Variants in PPP1R1C observed in about 807,000 individuals in gnomAD.
PPP1R1C encodes the protein protein phosphatase 1 regulatory inhibitor subunit 1C.
A neutral mutation model predicts 17.4 loss-of-function variants in PPP1R1C; 15 were observed. The ratio of observed to expected loss-of-function variants is 0.86; its 90% CI spans 0.58 to 1.33. The LOEUF is 1.33. PPP1R1C is among the 40% of genes most tolerant of loss of function. The pLI, the probability that PPP1R1C is intolerant of heterozygous loss-of-function variation, is 0.00. For synonymous variants in PPP1R1C, 35 were observed against 43.1 expected (o/e 0.81, Z 0.73); for missense variants, 143 against 130.0 (o/e 1.10, Z -0.48).
In PPP1R1C at chr2:181,961,552, AG is replaced by A; in HGVS notation, n.111+6920del. The A allele has an allele frequency of 1.2e-6, 1 of 812,128 alleles. No homozygotes were observed. The highest frequency in any genetic ancestry group is 2.1e-6 in the Non-Finnish European group (1 of 480,336). The allele number at this position is 812,128 out of a possible 1,614,324, so 50.3% of individuals were successfully genotyped here. On this transcript the variant is annotated intron_variant and non_coding_transcript_variant, in intron 1 of 5. Coordinates refer to the PPP1R1C transcript ENST00000464264. This position sits in a 1 kb window ranked among gnomAD's most constrained non-coding sequence, Gnocchi z 5.8. ...GGCCTTCAGATTTCTCATGGAGTCC[AG>A]GTCCATCTTTAAGGACTGGACTGTA... is the stretch of plus-strand genomic sequence containing the variant.
intron 2 of PPP1R1C, among the ~76,000 whole-genome samples, chr2:182,030,341 G>GT (rs1424855863): frequency 6.6e-6 from 1 of 152,086 alleles, no homozygotes; most frequent in Non-Finnish European, 1.5e-5. Flanking sequence ...CATCTTTGTG[G>GT]TTTTATCTAC....
chr2:182,084,492 C>T (rs1264251670), intron 4 of PPP1R1C, among the ~76,000 whole-genome samples: 1 of 152,032 alleles, frequency 6.6e-6, no homozygotes, highest in Non-Finnish European at 1.5e-5. Flanking sequence ...TGTGGCTATC[C>T]AGTTTTCTCA....
intron 1 of PPP1R1C, among the ~76,000 whole-genome samples, chr2:181,960,508 TG>T (rs1684753032): frequency 6.6e-6 from 1 of 152,226 alleles, no homozygotes; most frequent in African/African-American, 2.4e-5. Flanking sequence ...ACTGGAGCTC[TG>T]CAAAGAGTGA....
chr2:181,965,114 T>C (rs1223286772), intron 1 of PPP1R1C, among the ~76,000 whole-genome samples: 2 of 152,250 alleles, frequency 1.3e-5, no homozygotes. Context: ...AAATCTGTAT[T>C]CAGATCTTTT....
At chr2:182,024,932 TA>T (rs1686550039) in intron 2 of PPP1R1C, among the ~76,000 whole-genome samples, 2 of 149,748 alleles carry the variant, frequency 1.3e-5, no homozygotes, top group Non-Finnish European at 1.5e-5. Context: ...TCCATTAAAT[TA>T]AAAAATTAAT....
In PPP1R1C at chr2:182,052,171, T is replaced by C. The variant is rs147921241; in HGVS notation, c.143-9271T>C. Among the ~76,000 whole-genome samples, 666 of 152,240 alleles carry C rather than the reference T, an allele frequency of 4.4e-3. 4 individuals are homozygous for C. The highest frequency in any genetic ancestry group is 5.0e-3 in the Non-Finnish European group (338 of 68,010). On this transcript the variant is annotated intron_variant, in intron 2 of 4. Coordinates refer to ENST00000682840, the MANE Select transcript of PPP1R1C (RefSeq NM_001080545.3). ...AATGCTAGCAATATAAATAAAAACTTAGCTTTTAGTTTTTCTTTGTGGCTC... is the reference window on the plus strand; with the variant it reads ...AATGCTAGCAATATAAATAAAAACTCAGCTTTTAGTTTTTCTTTGTGGCTC...
chr2:182,079,409 T>G (rs1021673406), intron 4 of PPP1R1C, among the ~76,000 whole-genome samples: 2 of 152,228 alleles, frequency 1.3e-5, no homozygotes, highest in African/African-American at 4.8e-5. Context: ...TTGTTCCCTA[T>G]ACACAGGTTA....
intron 4 of PPP1R1C, among the ~76,000 whole-genome samples, chr2:182,104,425 A>G (rs1232959466): frequency 1.3e-5 from 2 of 152,178 alleles, no homozygotes; most frequent in African/African-American, 4.8e-5. Context: ...ATTTTGTCAA[A>G]TACTTTTTCT....
intron 4 of PPP1R1C, among the ~76,000 whole-genome samples, chr2:182,080,886 G>A (rs992012153): frequency 2.6e-5 from 4 of 151,986 alleles, no homozygotes; most frequent in Non-Finnish European, 4.4e-5. Context: ...AATCATAAAG[G>A]TACATACTCA....
chr2:182,081,995 A>T (rs1250588004), intron 4 of PPP1R1C, among the ~76,000 whole-genome samples: 1 of 151,970 alleles, frequency 6.6e-6, no homozygotes, highest in Admixed American at 6.6e-5. Flanking sequence ...ATTTTTTTTA[A>T]AAAAAGGTCT....
At chr2:182,065,329 A>G (rs1687956505) in intron 4 of PPP1R1C, among the ~76,000 whole-genome samples, 1 of 152,288 alleles carries the variant, frequency 6.6e-6, no homozygotes, top group East Asian at 1.9e-4. Context: ...AGAAAGCTAA[A>G]TGCAAATATT....
At chr2:182,012,327 G>A (rs1316697414) in intron 2 of PPP1R1C, among the ~76,000 whole-genome samples, 1 of 151,850 alleles carries the variant, frequency 6.6e-6, no homozygotes, top group Admixed American at 6.6e-5. Context: ...AAATCCCCTT[G>A]CTAAACTGAC....
At chr2:182,067,792 GT>G (rs552269193) in intron 4 of PPP1R1C, among the ~76,000 whole-genome samples, 11 of 152,268 alleles carry the variant, frequency 7.2e-5, no homozygotes, top group African/African-American at 2.4e-4. Context: ...AGTGGGAAGG[GT>G]AAAGGGAAGT....
intron 2 of PPP1R1C, among the ~76,000 whole-genome samples, chr2:182,032,371 T>C (rs1686871219): frequency 6.6e-6 from 1 of 152,222 alleles, no homozygotes; most frequent in Admixed American, 6.5e-5. Context: ...AACCCATTAC[T>C]CTGCACTACT....
downstream of PPP1R1C, among the ~76,000 whole-genome samples, chr2:182,119,079 G>T (rs532312961): frequency 5.3e-5 from 8 of 150,552 alleles, no homozygotes; most frequent in African/African-American, 2.0e-4. Context: ...AGCAGGCCCC[G>T]GTGTGTGATG....
intron 2 of PPP1R1C, among the ~76,000 whole-genome samples, chr2:182,032,085 G>A (rs1686859746): frequency 6.6e-6 from 1 of 152,132 alleles, no homozygotes; most frequent in Non-Finnish European, 1.5e-5. Context: ...ATTTAAATTT[G>A]TGGTTACAGT....
At position 182,043,038 on chromosome 2, in the gene PPP1R1C, G is replaced by A. The variant is rs75655386; in HGVS notation, c.143-18404G>A. ...ATATGTAAGCAACTGCAAACAATGA[G>A]CCACCAGAAAAATTTTTAAAAAATT... On this transcript the variant is annotated intron_variant, in intron 2 of 4. Transcript: ENST00000682840. 5.9e-3 allele frequency among the ~76,000 whole-genome samples: 899 copies of A among 152,200 alleles called. 12 individuals are homozygous for A. Among genetic ancestry groups the A allele is most frequent in the East Asian group, 0.051 (265 of 5,182 alleles).
chr2:182,086,511 G>T (rs1296293965), intron 4 of PPP1R1C, among the ~76,000 whole-genome samples: 1 of 152,092 alleles, frequency 6.6e-6, no homozygotes, highest in Non-Finnish European at 1.5e-5. Context: ...CTGCATTTAT[G>T]AATCTGTTAT....
chr2:182,028,923 T>G (rs1311349750), intron 2 of PPP1R1C, among the ~76,000 whole-genome samples: 2 of 122,336 alleles, frequency 1.6e-5, no homozygotes, highest in South Asian at 6.2e-4. Flanking sequence ...ATATTTAGGA[T>G]AGTTAGCTCT....
Sources: gnomAD v4.1 joint callset for allele counts (sites outside exome capture counted in the v4.1 genomes callset) on GRCh38, gnomAD v4.1.1 for gene constraint, Gnocchi (gnomAD v3.1) non-coding constraint, MANE v1.5 for transcripts, NCBI Gene and HGNC (gene_info 2026-07-23, HGNC 2026-07-21) for gene names.